Variants in AHRR observed in about 807,000 individuals in gnomAD.
AHRR encodes the protein ahR repressor.
In AHRR, 28 loss-of-function variants were observed where a neutral mutation model predicts 44.0. That is an observed-to-expected ratio of 0.64 (90% CI 0.47 to 0.87). The LOEUF is 0.87. AHRR is among the 40% of genes least tolerant of loss of function. AHRR has a pLI of 0.00. For missense variants in AHRR, 990 were observed against 953.9 expected, an observed-to-expected ratio of 1.04 and a Z score of -0.50; for synonymous variants, 434 against 407.0, an observed-to-expected ratio of 1.07 and a Z score of -0.80.
chr5:373,707 G>A (rs1286709694), intron 3 of AHRR, among the ~76,000 whole-genome samples: 2 of 151,562 alleles, frequency 1.3e-5, no homozygotes, highest in African/African-American at 4.8e-5. Context: ...GCTCAGGGAG[G>A]GCGGGGGGAC....
intron 1 of AHRR, among the ~76,000 whole-genome samples, chr5:333,463 G>A (rs975057173): frequency 6.6e-6 from 1 of 152,152 alleles, no homozygotes; most frequent in African/African-American, 2.4e-5. Context: ...AGGAGTGGTG[G>A]TGGAGGGCTA....
Position 436,547 on chromosome 5 carries a change from GGAA to G in AHRR, c.*1716_*1718del, listed in dbSNP as rs1368156709. 4 of 152,368 alleles carry G rather than the reference GGAA, an allele frequency of 2.6e-5. No homozygotes were observed. The highest frequency in any genetic ancestry group is 7.2e-5 in the African/African-American group (3 of 41,426). 9.4% of individuals were successfully genotyped at this position (152,368 alleles called of 1,614,324 possible). On this transcript the variant is annotated 3_prime_UTR_variant, in exon 11 of 11. Transcript: ENST00000684583. ...GGGATAAGGATCTCCTCTCAGTACT[GGAA>G]GAGAACAGCCAACCATCTGAGCCCA...
intron 2 of AHRR, among the ~76,000 whole-genome samples, chr5:351,359 C>T (rs1325336544): frequency 6.6e-6 from 1 of 152,238 alleles, no homozygotes; most frequent in Non-Finnish European, 1.5e-5. Flanking sequence ...CGCAAACGTC[C>T]ATCAGCAGAT....
Position 370,923 on chromosome 5 carries a change from G to A in AHRR, c.245-5687G>A, listed in dbSNP as rs1162608851. ...GCCGACCTCGGGCCGGGCTTTACAG[G>A]GCATGTCAGTTAGGGCTCTGCAGAA... On this transcript the variant is annotated intron_variant, in intron 3 of 10. Coordinates refer to ENST00000684583, the MANE Select transcript of AHRR (RefSeq NM_001377236.1). This position sits in a 1 kb window ranked among gnomAD's most constrained non-coding sequence, Gnocchi z 4.5. Among the ~76,000 whole-genome samples the A allele has an allele frequency of 6.6e-6, 1 of 152,204 alleles. No homozygotes were observed. Among genetic ancestry groups the A allele is most frequent in the African/African-American group, 2.4e-5 (1 of 41,452 alleles).
rs751393057 is a variant in AHRR at position 432,897 on chromosome 5, G to A, written c.1062G>A (p.Leu354=). 1 of 1,613,548 alleles carries A rather than the reference G, an allele frequency of 6.2e-7. No homozygotes were observed. The highest frequency in any genetic ancestry group is 8.5e-7 in the Non-Finnish European group (1 of 1,179,988). Residue 354 remains leucine (L), a synonymous_variant, in exon 10 of 11, where the codon CTG becomes CTA. Transcript: ENST00000684583. ...AGGTTCCCGCCAGGGCCCCATGCCT[G>A]TGCCTCCGGGGTGGCCCTGACCTTG... ...WAQVPARAPC[L]CLRGGPDLVL...
At position 353,927 on chromosome 5, in the gene AHRR, G is replaced by C. The variant is rs1216058805; in HGVS notation, c.244+16G>C. Reference sequence around the variant, plus strand: ...TTCTTCCAAGGTAGGACTCTCACCTGCTCCCACCTGTTCACTTGAGTCAGG... The same window carrying C: ...TTCTTCCAAGGTAGGACTCTCACCTCCTCCCACCTGTTCACTTGAGTCAGG... On this transcript the variant is annotated intron_variant, in intron 3 of 10. Transcript: ENST00000684583. 1 of 1,603,182 alleles carries C rather than the reference G, an allele frequency of 6.2e-7. No homozygotes were observed. Among genetic ancestry groups the C allele is most frequent in the African/African-American group, 1.3e-5 (1 of 74,824 alleles).
intron 1 of AHRR, among the ~76,000 whole-genome samples, chr5:324,006 T>C (rs544256461): frequency 0.025 from 2,498 of 99,070 alleles, 157 homozygotes; most frequent in African/African-American, 0.1. Context: ...TCTTTTTTTC[T>C]CTTTCTTTCT....
chr5:322,029 A>G (rs970666315), intron 1 of AHRR, among the ~76,000 whole-genome samples: 18 of 151,814 alleles, frequency 1.2e-4, no homozygotes, highest in Non-Finnish European at 2.9e-5. Flanking sequence ...CGGACCTCGG[A>G]GGGAAGCCGC....
intron 4 of AHRR, among the ~76,000 whole-genome samples, chr5:386,601 A>G (rs1734176695): frequency 6.6e-6 from 1 of 152,250 alleles, no homozygotes; most frequent in African/African-American, 2.4e-5. Context: ...GGTTCCCCCT[A>G]GGCCTGCAGA....
Position 376,700 on chromosome 5 carries a change from G to T in AHRR, c.335G>T (p.Gly112Val). The change falls in exon 4 of 11, where the codon GGA (glycine) becomes GTA (valine). Residue 112 changes from glycine to valine, a missense_variant. Coordinates refer to ENST00000684583, the MANE Select transcript of AHRR (RefSeq NM_001377236.1). ...CTTGCAGGGTCTGCCGTGCTGGAGG[G>T]AAGGCTGCTGTTGGAGGTGAGTGCC... is the stretch of plus-strand genomic sequence containing the variant. ...CPLAGSAVLE[G>V]RLLLESLNGF... is the part of the protein sequence containing the mutation. 1 of 1,608,324 alleles carries T rather than the reference G, an allele frequency of 6.2e-7. No homozygotes were observed.
At chr5:381,194 A>G (rs948155160) in intron 4 of AHRR, among the ~76,000 whole-genome samples, 4 of 152,232 alleles carry the variant, frequency 2.6e-5, no homozygotes, top group African/African-American at 9.6e-5. Context: ...CTCTCAGTCC[A>G]CCGAATCACA....
Position 340,664 on chromosome 5 carries a change from T to TTATA in AHRR, c.-10-3207_-10-3204dup, listed in dbSNP as rs201426173. ...GGACGCAATTATGTTCACAGCAATA[T>TTATA]TATATATATATATATATATATATAT... is the stretch of plus-strand genomic sequence containing the variant. On this transcript the variant is annotated intron_variant, in intron 1 of 10. Transcript: ENST00000684583. Among the ~76,000 whole-genome samples the TTATA allele has an allele frequency of 8.4e-4, 27 of 31,954 alleles. 1 individual carries two copies. The highest frequency in any genetic ancestry group is 4.3e-3 in the East Asian group (6 of 1,380). 21.0% of individuals were successfully genotyped at this position (31,954 alleles called of 152,430 possible).
chr5:390,302 C>T (rs375685732), intron 4 of AHRR, among the ~76,000 whole-genome samples: 12 of 152,082 alleles, frequency 7.9e-5, no homozygotes, highest in African/African-American at 1.7e-4. Flanking sequence ...ATCTCAGACA[C>T]GCCATAAATA....
intron 1 of AHRR, among the ~76,000 whole-genome samples, chr5:328,874 G>C (rs767979414): frequency 6.6e-6 from 1 of 152,110 alleles, no homozygotes; most frequent in African/African-American, 2.4e-5. Flanking sequence ...TTCTTTTGCT[G>C]TGCAGAAGGT....
At chr5:353,935 C>T (rs1742954209) in intron 3 of AHRR, 24 bp downstream of exon 3, 3 of 1,599,946 alleles carry the variant, frequency 1.9e-6, no homozygotes, top group East Asian at 4.5e-5. Flanking sequence ...CTGCTCCCAC[C>T]TGTTCACTTG....
At chr5:369,664 C>T (rs1743498653) in intron 3 of AHRR, among the ~76,000 whole-genome samples, 1 of 152,242 alleles carries the variant, frequency 6.6e-6, no homozygotes, top group African/African-American at 2.4e-5. Flanking sequence ...GTCCCGAGTG[C>T]TTCCTCTAAA....
intron 5 of AHRR, chr5:421,434 G>A (rs1736113786): frequency 3.7e-6 from 2 of 543,592 alleles, no homozygotes; most frequent in South Asian, 2.2e-5. Context: ...AAGCAGCCTC[G>A]CGGGTGCCGG....
At position 434,476 on chromosome 5, in the gene AHRR, G is replaced by A. The variant is rs761404483; in HGVS notation, c.1736G>A (p.Arg579Gln). Residue 579 changes from arginine (R) to glutamine (Q), a missense_variant, in exon 11 of 11, where the codon CGG becomes CAG. Transcript: ENST00000684583. ...CACCTGAAAACAGAGCCAGACTCTCGGCAACAGGTGTACATCTCGCACCTG... is the reference window on the plus strand; with the variant it reads ...CACCTGAAAACAGAGCCAGACTCTCAGCAACAGGTGTACATCTCGCACCTG... ...RMHLKTEPDS[R>Q]QQVYISHLGH... is the part of the protein sequence containing the mutation. 2.2e-5 allele frequency: 36 copies of A among 1,613,260 alleles called. No homozygotes were observed. Among genetic ancestry groups the A allele is most frequent in the African/African-American group, 6.7e-5 (5 of 74,938 alleles).
Position 326,244 on chromosome 5 carries a change from G to A in AHRR, c.-11+4425G>A, listed in dbSNP as rs1299531397. Among the ~76,000 whole-genome samples, 2 of 152,126 alleles carry A rather than the reference G, an allele frequency of 1.3e-5. No individual in the cohort carries two copies. Among genetic ancestry groups the A allele is most frequent in the African/African-American group, 4.8e-5 (2 of 41,424 alleles). ...GCCTCCGGCAGTGCTCACCCACCAG[G>A]CAGTCACTCCCCAGTCCCTGCTCCC... On this transcript the variant is annotated intron_variant, in intron 1 of 10. Coordinates refer to ENST00000684583, the MANE Select transcript of AHRR (RefSeq NM_001377236.1). This position sits in a 1 kb window ranked among gnomAD's most constrained non-coding sequence, Gnocchi z 4.1.
Sources: gnomAD v4.1 joint callset for allele counts (sites outside exome capture counted in the v4.1 genomes callset) on GRCh38, gnomAD v4.1.1 for gene constraint, Gnocchi (gnomAD v3.1) non-coding constraint, MANE v1.5 for transcripts, NCBI Gene and HGNC (gene_info 2026-07-23, HGNC 2026-07-21) for gene names.